Variants in HDAC9 observed in about 807,000 individuals in gnomAD.
The protein encoded by HDAC9 is histone deacetylase 9, also known as MEF-2 interacting transcription repressor (MITR) protein.
In HDAC9, 41 loss-of-function variants were observed where a neutral mutation model predicts 139.4. The observed-to-expected ratio is 0.29, with a 90% CI of 0.23 to 0.38. The LOEUF (loss-of-function observed/expected upper bound fraction) is 0.38. Ranked by LOEUF, HDAC9 falls within the 10% of genes least tolerant of loss-of-function variation. The pLI, the probability that HDAC9 is intolerant of heterozygous loss-of-function variation, is 1.00. For synonymous variants in HDAC9, 517 were observed against 476.2 expected (o/e 1.09, Z -1.12); for missense variants, 1,147 against 1,297.0 (o/e 0.88, Z 1.78).
chr7:18,877,849 T>A (rs1157791186), intron 22 of HDAC9, among the ~76,000 whole-genome samples: 2 of 152,202 alleles, frequency 1.3e-5, no homozygotes, highest in Admixed American at 6.6e-5. Flanking sequence ...CTTTATATAT[T>A]AAGTGTTTTC....
At chr7:18,559,715 T>A (rs1265415827) in intron 2 of HDAC9, among the ~76,000 whole-genome samples, 1 of 152,238 alleles carries the variant, frequency 6.6e-6, no homozygotes, top group African/African-American at 2.4e-5. Flanking sequence ...TGACACCTAC[T>A]TTCCTGGGGT....
intron 2 of HDAC9, among the ~76,000 whole-genome samples, chr7:18,203,773 A>T (rs1791300925): frequency 6.6e-6 from 1 of 152,216 alleles, no homozygotes; most frequent in African/African-American, 2.4e-5. Context: ...TGTTTCTGGC[A>T]CACCAGTTGT....
At chr7:18,495,709 C>G (rs563902686), upstream of HDAC9, 15 of 984,482 alleles carry the variant, frequency 1.5e-5, no homozygotes, top group East Asian at 1.1e-4. Context: ...GATTATCACT[C>G]GCTTTAGCCA....
intron 2 of HDAC9, among the ~76,000 whole-genome samples, chr7:18,550,568 A>C (rs571929969): frequency 1.3e-5 from 2 of 152,330 alleles, no homozygotes; most frequent in South Asian, 2.1e-4. Context: ...ATAAAGAAAG[A>C]GTTAAGTAGG....
At chr7:18,565,318 AT>A (rs1821953406) in intron 2 of HDAC9, among the ~76,000 whole-genome samples, 2 of 152,214 alleles carry the variant, frequency 1.3e-5, no homozygotes, top group African/African-American at 4.8e-5. Flanking sequence ...TTTTTAAAAA[AT>A]ATCCCATGGT....
At chr7:18,974,302 G>T (rs1784425475) in intron 24 of HDAC9, among the ~76,000 whole-genome samples, 1 of 152,186 alleles carries the variant, frequency 6.6e-6, no homozygotes, top group Non-Finnish European at 1.5e-5. Flanking sequence ...ACTCAGTCAA[G>T]TGTTATTTTT....
chr7:18,930,382 G>C (rs756891316), intron 22 of HDAC9, among the ~76,000 whole-genome samples: 2 of 152,056 alleles, frequency 1.3e-5, no homozygotes, highest in Non-Finnish European at 2.9e-5. Context: ...AATGAAGCTA[G>C]AAGTAAATAT....
chr7:18,284,517 C>T (rs1485740239), intron 2 of HDAC9, among the ~76,000 whole-genome samples: 3 of 152,142 alleles, frequency 2.0e-5, no homozygotes, highest in Non-Finnish European at 4.4e-5. Context: ...AAGACTACCA[C>T]GGGTTAACTG....
chr7:18,648,410 A>ATGTG (rs145105320), intron 10 of HDAC9, 56 bp from the exon 11 acceptor site: 225,365 of 1,047,554 alleles, frequency 0.22, 8,243 homozygotes, highest in East Asian at 0.41. Flanking sequence ...GTGTGTGTGT[A>ATGTG]TGTGTGTGTG....
chr7:18,575,039 A>T (rs2128754005), intron 2 of HDAC9, among the ~76,000 whole-genome samples: 1 of 152,356 alleles, frequency 6.6e-6, no homozygotes, highest in African/African-American at 2.4e-5. Context: ...CCCCCACTGC[A>T]GCTGGTGTCA....
intron 6 of HDAC9, among the ~76,000 whole-genome samples, chr7:18,625,475 G>A (rs1841427627): frequency 6.6e-6 from 1 of 152,100 alleles, no homozygotes; most frequent in Non-Finnish European, 1.5e-5. Context: ...AGGATGTTTG[G>A]CAGTACCCCT....
At chr7:18,992,536 G>T (rs540708617) in intron 25 of HDAC9, among the ~76,000 whole-genome samples, 2 of 152,098 alleles carry the variant, frequency 1.3e-5, no homozygotes, top group Non-Finnish European at 1.5e-5. Flanking sequence ...AGGAGTAGAA[G>T]TAAGAAATAA....
rs764631058 is a variant in HDAC9, at chr7:18,591,525, CAAGTACAG to C, written c.431_438del (p.Thr144LysfsTer11). 1 of 1,580,816 alleles carries C rather than the reference CAAGTACAG, an allele frequency of 6.3e-7. No individual in the cohort carries two copies. Among genetic ancestry groups the C allele is most frequent in the Non-Finnish European group, 8.6e-7 (1 of 1,164,048 alleles). On this transcript the variant is annotated frameshift_variant, in exon 5 of 26. Coordinates refer to ENST00000686413, the MANE Select transcript of HDAC9 (RefSeq NM_178425.4). LOFTEE classifies it high-confidence loss of function. ...TGTGTGTGTATTTCAGGGGCAGTGG[CAAGTACAG>C]AAGTAAAGCAGAAGCTTCAAGAGTT...
intron 21 of HDAC9, among the ~76,000 whole-genome samples, chr7:18,870,980 C>G (rs999261432): frequency 1.3e-5 from 2 of 152,150 alleles, no homozygotes; most frequent in African/African-American, 4.8e-5. Flanking sequence ...TTTTGGTATC[C>G]ATCCTTGAAT....
chr7:18,774,780 G>A (rs375260001), intron 16 of HDAC9, among the ~76,000 whole-genome samples: 2 of 152,162 alleles, frequency 1.3e-5, no homozygotes, highest in East Asian at 3.9e-4. Context: ...TAGCATTTGT[G>A]TGTTCACTGC....
intron 25 of HDAC9, among the ~76,000 whole-genome samples, chr7:18,990,772 A>G (rs1785842841): frequency 1.3e-5 from 2 of 152,236 alleles, no homozygotes; most frequent in Non-Finnish European, 2.9e-5. Flanking sequence ...TTAAGCCCGT[A>G]GGAAAAGCGC....
chr7:18,599,457 C>G (rs1234936896), intron 6 of HDAC9, among the ~76,000 whole-genome samples: 1 of 152,160 alleles, frequency 6.6e-6, no homozygotes, highest in African/African-American at 2.4e-5. Flanking sequence ...TGTGCCCCAC[C>G]TATTCATCCT....
chr7:18,281,070 G>C (rs2128219884), intron 2 of HDAC9, among the ~76,000 whole-genome samples: 1 of 152,274 alleles, frequency 6.6e-6, no homozygotes. Flanking sequence ...CTTTTGGGCA[G>C]ATGTGCCTGA....
At chr7:18,743,949 C>A (rs1042281445) in intron 13 of HDAC9, among the ~76,000 whole-genome samples, 9 of 148,466 alleles carry the variant, frequency 6.1e-5, no homozygotes, top group Non-Finnish European at 1.0e-4. Context: ...TCTAGCCTCA[C>A]AAATTTTTTC....
Sources: gnomAD v4.1 joint callset for allele counts (sites outside exome capture counted in the v4.1 genomes callset) on GRCh38, gnomAD v4.1.1 for gene constraint, MANE v1.5 for transcripts, NCBI Gene and HGNC (gene_info 2026-07-23, HGNC 2026-07-21) for gene names.